Variants in SYNE1 observed in about 807,000 individuals in gnomAD.
SYNE1 encodes the protein nesprin-1.
Under a neutral mutation model 1,111.0 loss-of-function variants are expected in SYNE1, and 616 were observed. That is an observed-to-expected ratio of 0.55 (90% CI 0.52 to 0.59). SYNE1 has a LOEUF of 0.59. Ranked by LOEUF, SYNE1 falls within the 20% of genes least tolerant of loss-of-function variation. The probability of loss-of-function intolerance (pLI) is 0.00; values close to 1 mark genes in which losing one functional copy is unlikely to be tolerated. For missense variants in SYNE1, 10,006 were observed against 10,417.0 expected (o/e 0.96, Z 1.72); for synonymous variants, 3,855 against 3,825.8 (o/e 1.01, Z -0.28).
In SYNE1 at chr6:152,316,910, G is replaced by T. The variant is rs2095739774; in HGVS notation, c.16649C>A (p.Ala5550Asp). Residue 5550 changes from alanine to aspartate, a missense_variant, in exon 87 of 146, where the codon GCT becomes GAT. By Grantham distance (126) the Ala-to-Asp change is moderately radical (BLOSUM62 -2). Around this residue, in one of 7 missense-constraint regions of SYNE1, gnomAD observed 4,955 missense variants for 5,017.2 expected, o/e 0.99. Transcript: ENST00000367255. Reference sequence around the variant, plus strand: ...AGAATTCCATGCAATAGTTCCATGAGCCAAGACTTTAGCTTTTTCAATCCA... The same window carrying T: ...AGAATTCCATGCAATAGTTCCATGATCCAAGACTTTAGCTTTTTCAATCCA... ...LKWIEKAKVL[A>D]HGTIAWNSAS... is the part of the protein sequence containing the mutation. 1 of 1,613,978 alleles carries T rather than the reference G, an allele frequency of 6.2e-7. No homozygotes were observed. The highest frequency in any genetic ancestry group is 1.1e-5 in the South Asian group (1 of 91,086).
At chr6:152,313,704 T>G (rs1187597229) in intron 87 of SYNE1, among the ~76,000 whole-genome samples, 1 of 152,136 alleles carries the variant, frequency 6.6e-6, no homozygotes, top group East Asian at 1.9e-4. Context: ...CCTCAAGTGA[T>G]CCACCCCTCT....
intron 137 of SYNE1, chr6:152,145,977 A>G (rs1159023730): frequency 4.4e-6 from 1 of 226,582 alleles, no homozygotes; most frequent in Non-Finnish European, 8.3e-6. Flanking sequence ...GTGAGCCGAG[A>G]TTGTGCCACT....
chr6:152,373,733 C>T (rs972367460), intron 58 of SYNE1, among the ~76,000 whole-genome samples: 1 of 152,104 alleles, frequency 6.6e-6, no homozygotes, highest in African/African-American at 2.4e-5. Context: ...TGAGCAATCT[C>T]ATAAAATATT....
intron 4 of SYNE1, among the ~76,000 whole-genome samples, chr6:152,531,181 A>C (rs2099198772): frequency 6.6e-6 from 1 of 152,158 alleles, no homozygotes; most frequent in Non-Finnish European, 1.5e-5. Context: ...CCTTTACGTG[A>C]AAAGATGAAA....
intron 74 of SYNE1, among the ~76,000 whole-genome samples, chr6:152,342,798 T>C (rs1368564590): frequency 1.3e-5 from 2 of 152,210 alleles, no homozygotes; most frequent in Non-Finnish European, 2.9e-5. Flanking sequence ...AGCAATAACA[T>C]TTTCAGCATG....
intron 3 of SYNE1, among the ~76,000 whole-genome samples, chr6:152,589,328 G>A (rs1337681258): frequency 6.6e-6 from 1 of 152,116 alleles, no homozygotes; most frequent in Non-Finnish European, 1.5e-5. Context: ...AAGGCTACTA[G>A]TAATCTCAGA....
chr6:152,369,418 G>A, intron 60 of SYNE1, 53 bp downstream of exon 60: 1 of 1,613,548 alleles, frequency 6.2e-7, no homozygotes, highest in South Asian at 1.1e-5. Flanking sequence ...AAGGTCGACA[G>A]AGGACGGACA....
chr6:152,149,730 T>A, intron 135 of SYNE1, 62 bp from the exon 136 acceptor site: 1 of 1,387,630 alleles, frequency 7.2e-7, no homozygotes, highest in Non-Finnish European at 1.0e-6. Flanking sequence ...TATAAAAGAA[T>A]CATAATAGAT....
intron 3 of SYNE1, among the ~76,000 whole-genome samples, chr6:152,549,939 G>A (rs904058255): frequency 6.6e-5 from 10 of 152,132 alleles, no homozygotes; most frequent in African/African-American, 2.4e-4. Flanking sequence ...AGGCAGATGG[G>A]ATGAAAGGAA....
Position 152,430,132 on chromosome 6 carries a change from T to G in SYNE1, c.4768A>C (p.Lys1590Gln). The G allele has an allele frequency of 6.3e-7, 1 of 1,599,328 alleles. No homozygotes were observed. The highest frequency in any genetic ancestry group is 1.1e-5 in the South Asian group (1 of 89,668). Residue 1590 changes from lysine to glutamine, a missense_variant, in exon 36 of 146, where the codon AAA becomes CAA. Physicochemically the swap from Lys to Gln is moderately conservative, Grantham distance 53. Coordinates refer to ENST00000367255, the MANE Select transcript of SYNE1 (RefSeq NM_182961.4). Reference protein sequence around the residue: ...KICSSATETYKVLQEHMDLCQ... With the variant: ...KICSSATETYQVLQEHMDLCQ... ...CTTACCATATGTTCTTGAAGAACTTTGTATGTTTCTGTAGCTGAAGAACAT... is the reference window on the plus strand; with the variant it reads ...CTTACCATATGTTCTTGAAGAACTTGGTATGTTTCTGTAGCTGAAGAACAT...
At chr6:152,195,428 C>T (rs2073846621) in intron 127 of SYNE1, among the ~76,000 whole-genome samples, 1 of 152,172 alleles carries the variant, frequency 6.6e-6, no homozygotes, top group South Asian at 2.1e-4. Flanking sequence ...TGTATTTACC[C>T]TTCTTAGGAA....
chr6:152,253,829 T>TTTTTTTTTG (rs2090096599), intron 104 of SYNE1, among the ~76,000 whole-genome samples: 2 of 59,668 alleles, frequency 3.4e-5, no homozygotes, highest in Non-Finnish European at 5.6e-5. Context: ...TTTTTTTTTT[T>TTTTTTTTTG]TTTTTTTTTT....
chr6:152,224,063 T>C (rs2080881010), intron 117 of SYNE1, among the ~76,000 whole-genome samples: 1 of 152,234 alleles, frequency 6.6e-6, no homozygotes, highest in Admixed American at 6.5e-5. Flanking sequence ...GATATTTTAC[T>C]GAATGGAAGC....
intron 76 of SYNE1, 141 bp from the exon 77 acceptor site, chr6:152,334,414 G>C (rs1028065977): frequency 2.1e-6 from 2 of 965,804 alleles, no homozygotes; most frequent in Non-Finnish European, 3.0e-6. Flanking sequence ...ATAAGTTATG[G>C]GAAACAAAGA....
intron 3 of SYNE1, among the ~76,000 whole-genome samples, chr6:152,611,455 A>C (rs984742133): frequency 6.6e-6 from 1 of 152,202 alleles, no homozygotes; most frequent in Non-Finnish European, 1.5e-5. Flanking sequence ...AACTATCCTA[A>C]ATATATATGC....
intron 78 of SYNE1, among the ~76,000 whole-genome samples, chr6:152,328,159 T>C (rs1369744148): frequency 6.6e-6 from 1 of 152,100 alleles, no homozygotes; most frequent in Non-Finnish European, 1.5e-5. Context: ...CAGAGCCTTA[T>C]AGGATGTCAT....
chr6:152,629,704 G>A (rs2099694596), intron 2 of SYNE1, among the ~76,000 whole-genome samples: 1 of 151,916 alleles, frequency 6.6e-6, no homozygotes. Flanking sequence ...AAGAAGAGGG[G>A]GTGAATAATG....
rs2029413 is a variant in SYNE1, at chr6:152,352,954, T to G, written c.11253+309A>C. Among the ~76,000 whole-genome samples, 84,716 of 152,038 alleles carry G rather than the reference T, an allele frequency of 0.56. 24,006 individuals carry two copies. Among genetic ancestry groups the G allele is most frequent in the East Asian group, 0.62 (3,212 of 5,158 alleles). ...TTCTAAAGACCTGAGTTTAAACTCTTTACAAGCACTGGGCCATTAATTTGA... is the reference window on the plus strand; with the variant it reads ...TTCTAAAGACCTGAGTTTAAACTCTGTACAAGCACTGGGCCATTAATTTGA... On this transcript the variant is annotated intron_variant, in intron 69 of 145. Coordinates refer to ENST00000367255, the MANE Select transcript of SYNE1 (RefSeq NM_182961.4).
intron 115 of SYNE1, among the ~76,000 whole-genome samples, chr6:152,229,518 TTAA>T (rs1461951865): frequency 6.6e-6 from 1 of 152,154 alleles, no homozygotes; most frequent in East Asian, 1.9e-4. Context: ...TTCCTATTAA[TTAA>T]TAATGGGATA....
Sources: gnomAD v4.1 joint callset for allele counts (sites outside exome capture counted in the v4.1 genomes callset) on GRCh38, gnomAD v4.1.1 for gene constraint, gnomAD v4.1.1 regional missense constraint, MANE v1.5 for transcripts, NCBI Gene and HGNC (gene_info 2026-07-23, HGNC 2026-07-21) for gene names.